Variants in STIM1 observed in about 807,000 individuals in gnomAD.
STIM1 encodes stromal interaction molecule 1.
In STIM1, 25 loss-of-function variants were observed where a neutral mutation model predicts 74.7. The observed-to-expected ratio is 0.33, with a 90% confidence interval of 0.24 to 0.47. The LOEUF (loss-of-function observed/expected upper bound fraction) is 0.47. Among genes scored for constraint, STIM1 ranks in the 20% least tolerant of loss-of-function variants. STIM1 has a pLI of 1.00. For synonymous variants in STIM1, 328 were observed against 348.8 expected, an observed-to-expected ratio of 0.94 and a Z score of 0.66; for missense variants, 728 against 920.8, an observed-to-expected ratio of 0.79 and a Z score of 2.71.
intron 6 of STIM1, among the ~76,000 whole-genome samples, chr11:4,072,864 G>T (rs537292114): frequency 6.6e-6 from 1 of 152,228 alleles, no homozygotes; most frequent in East Asian, 1.9e-4. Flanking sequence ...ATTTGTCTTT[G>T]CCTATGCATA....
At chr11:3,949,889 G>A (rs1168233772) in intron 1 of STIM1, among the ~76,000 whole-genome samples, 1 of 152,130 alleles carries the variant, frequency 6.6e-6, no homozygotes, top group Non-Finnish European at 1.5e-5. Flanking sequence ...TGTGTATAAA[G>A]TTCTATTCCA....
intron 1 of STIM1, among the ~76,000 whole-genome samples, chr11:3,887,819 T>C (rs1290434143): frequency 6.6e-6 from 1 of 151,802 alleles, no homozygotes; most frequent in East Asian, 1.9e-4. Context: ...ATACAAAAAA[T>C]TAGCCGGACG....
intron 2 of STIM1, among the ~76,000 whole-genome samples, chr11:3,986,383 T>C (rs903894627): frequency 8.5e-5 from 13 of 152,138 alleles, no homozygotes; most frequent in Non-Finnish European, 1.8e-4. Flanking sequence ...CTTGGGAATC[T>C]GTGGTCAGTG....
At chr11:3,946,295 G>A (rs565013693) in intron 1 of STIM1, among the ~76,000 whole-genome samples, 1 of 152,222 alleles carries the variant, frequency 6.6e-6, no homozygotes, top group South Asian at 2.1e-4. Flanking sequence ...TGTCCTGTAG[G>A]CCTGATGTGA....
At chr11:4,060,364 G>A (rs2094322233) in intron 5 of STIM1, among the ~76,000 whole-genome samples, 1 of 152,228 alleles carries the variant, frequency 6.6e-6, no homozygotes, top group South Asian at 2.1e-4. Flanking sequence ...AAACAGTCCA[G>A]AGAAGCAGCT....
At chr11:3,991,965 A>AG (rs2093616431) in intron 2 of STIM1, among the ~76,000 whole-genome samples, 6 of 106,154 alleles carry the variant, frequency 5.7e-5, no homozygotes, top group South Asian at 3.6e-4. Context: ...AAAAAAAAAA[A>AG]AAAAAAAGAA....
At chr11:3,881,774 C>T (rs537524092) in intron 1 of STIM1, among the ~76,000 whole-genome samples, 1 of 152,206 alleles carries the variant, frequency 6.6e-6, no homozygotes, top group South Asian at 2.1e-4. Context: ...GCCTCCGACT[C>T]CTGGGTTGAA....
At chr11:4,091,139 C>A in intron 12 of STIM1, 143 bp from the exon 13 acceptor site, 8 of 1,126,920 alleles carry the variant, frequency 7.1e-6, no homozygotes, top group Non-Finnish European at 1.1e-5. Context: ...GCCTGTTCAT[C>A]CTATTTCTCT....
chr11:4,074,816 AC>A, intron 7 of STIM1, 137 bp downstream of exon 7: 2 of 991,634 alleles, frequency 2.0e-6, no homozygotes, highest in Non-Finnish European at 3.0e-6. Flanking sequence ...CTGGACTCTT[AC>A]CAACAATAAG....
chr11:3,967,641 G>A lies in STIM1; in HGVS notation c.229G>A (p.Asp77Asn), dbSNP rs768950124. Reference protein sequence around the residue: ...AVRNIHKLMDDDANGDVDVEE... With the variant: ...AVRNIHKLMDNDANGDVDVEE... ...CCGTAACATCCACAAACTGATGGACGATGATGCCAATGGTGATGTGGATGT... is the reference window on the plus strand; with the variant it reads ...CCGTAACATCCACAAACTGATGGACAATGATGCCAATGGTGATGTGGATGT... The change falls in exon 2 of 13, where the codon GAT (aspartate) becomes AAT (asparagine). Residue 77 changes from aspartate to asparagine, a missense_variant. Coordinates refer to ENST00000526596, the MANE Select transcript of STIM1 (RefSeq NM_001382567.1). 21 of 1,614,112 alleles carry A rather than the reference G, an allele frequency of 1.3e-5. No individual in the cohort carries two copies. Among genetic ancestry groups the A allele is most frequent in the African/African-American group, 2.7e-5 (2 of 74,938 alleles).
chr11:4,032,872 T>C (rs1398025282), intron 3 of STIM1, among the ~76,000 whole-genome samples: 1 of 152,250 alleles, frequency 6.6e-6, no homozygotes, highest in African/African-American at 2.4e-5. Flanking sequence ...GTTGCTTATA[T>C]ACAGAAATGT....
intron 3 of STIM1, among the ~76,000 whole-genome samples, chr11:4,035,916 A>G (rs931780314): frequency 3.5e-5 from 5 of 144,268 alleles, no homozygotes; most frequent in Non-Finnish European, 7.5e-5. Context: ...GGTTTGTTAT[A>G]TAGGTAAATG....
rs141382993 is a variant in STIM1, at chr11:3,948,063, C to CAGTT, written c.140-19486_140-19483dup. Among the ~76,000 whole-genome samples, 172 of 152,240 alleles carry CAGTT rather than the reference C, an allele frequency of 1.1e-3. 1 individual carries two copies. The highest frequency in any genetic ancestry group is 3.9e-3 in the African/African-American group (164 of 41,532). On this transcript the variant is annotated intron_variant, in intron 1 of 12. Coordinates refer to ENST00000526596, the MANE Select transcript of STIM1 (RefSeq NM_001382567.1). ...TAACAGGCCACATGAGAACAGAATA[C>CAGTT]AGTTAGGTTTAGAAGAGCTCTTATG...
chr11:4,086,906 G>A (rs1174418185), intron 12 of STIM1: 11 of 1,503,950 alleles, frequency 7.3e-6, no homozygotes, highest in Non-Finnish European at 9.7e-6. Flanking sequence ...TTCCCTTTCT[G>A]CTGCTTTTAC....
chr11:3,976,093 T>C (rs1156240164), intron 2 of STIM1, among the ~76,000 whole-genome samples: 1 of 152,196 alleles, frequency 6.6e-6, no homozygotes, highest in Non-Finnish European at 1.5e-5. Context: ...TGTCCTTCAA[T>C]GTATGAACGG....
Position 3,941,632 on chromosome 11 carries a change from G to T in STIM1, c.140-25920G>T, listed in dbSNP as rs539745993. 4.8e-4 allele frequency among the ~76,000 whole-genome samples: 70 copies of T among 144,994 alleles called. 2 individuals carry two copies. Among genetic ancestry groups the T allele is most frequent in the Non-Finnish European group, 9.1e-4 (61 of 66,794 alleles). On this transcript the variant is annotated intron_variant, in intron 1 of 12. Transcript: ENST00000526596. ...GTGTGTGTATACATATATATATATA[G>T]AGAGATAGTGTGTGTGTATACATAT...
chr11:4,008,491 A>G (rs774482363), intron 2 of STIM1, among the ~76,000 whole-genome samples: 1 of 152,230 alleles, frequency 6.6e-6, no homozygotes, highest in Non-Finnish European at 1.5e-5. Flanking sequence ...AACACTTACA[A>G]TATGAAACAC....
At chr11:4,085,242 G>A (rs937104720) in intron 11 of STIM1, among the ~76,000 whole-genome samples, 14 of 151,804 alleles carry the variant, frequency 9.2e-5, no homozygotes, top group African/African-American at 3.4e-4. Context: ...CATCACTATG[G>A]AATTATGCTG....
chr11:3,885,180 A>G (rs1218560089), intron 1 of STIM1, among the ~76,000 whole-genome samples: 1 of 133,470 alleles, frequency 7.5e-6, no homozygotes, highest in Non-Finnish European at 1.7e-5. Flanking sequence ...ATAAACATAG[A>G]TAATTTTTTT....
Sources: gnomAD v4.1 joint callset for allele counts (sites outside exome capture counted in the v4.1 genomes callset) on GRCh38, gnomAD v4.1.1 for gene constraint, MANE v1.5 for transcripts, NCBI Gene and HGNC (gene_info 2026-07-23, HGNC 2026-07-21) for gene names.